Variants in SSBP2 observed in about 807,000 individuals in gnomAD.
SSBP2 encodes single stranded DNA binding protein 2.
Under a neutral mutation model 61.8 loss-of-function variants are expected in SSBP2, and 17 were observed. The ratio of observed to expected loss-of-function variants is 0.28; its 90% confidence interval spans 0.19 to 0.41. SSBP2 has a LOEUF of 0.41. SSBP2 is among the 10% of genes least tolerant of loss of function. SSBP2 has a pLI of 1.00. For synonymous variants in SSBP2, 139 were observed against 141.3 expected (o/e 0.98, Z 0.12); for missense variants, 310 against 458.7 (o/e 0.68, Z 2.96).
In SSBP2 at chr5:81,419,120, T is replaced by C. The variant is rs985476790; in HGVS notation, c.*1384A>G. 1 of 152,232 alleles carries C rather than the reference T, an allele frequency of 6.6e-6. No homozygotes were observed. Among genetic ancestry groups the C allele is most frequent in the Admixed American group, 6.5e-5 (1 of 15,282 alleles). 9.4% of individuals were successfully genotyped at this position (152,232 alleles called of 1,614,324 possible). On this transcript the variant is annotated 3_prime_UTR_variant, in exon 17 of 17. Transcript: ENST00000320672. ...ATCCCAAAAGATCTGGAAAGTGCCA[T>C]AGAGCAAGGTGCTTTCCATAAGGGA...
chr5:81,687,143 A>T (rs1175676895), intron 1 of SSBP2, among the ~76,000 whole-genome samples: 1 of 152,208 alleles, frequency 6.6e-6, no homozygotes, highest in Non-Finnish European at 1.5e-5. Flanking sequence ...ACCCTACCCG[A>T]TCACCCGGCA....
chr5:81,569,670 T>C (rs1481009207), intron 4 of SSBP2, among the ~76,000 whole-genome samples: 3 of 152,130 alleles, frequency 2.0e-5, no homozygotes, highest in African/African-American at 7.2e-5. Flanking sequence ...TAACTCAATC[T>C]TTACCTATAT....
chr5:81,665,117 G>C (rs982669473), intron 1 of SSBP2, among the ~76,000 whole-genome samples: 5 of 152,128 alleles, frequency 3.3e-5, no homozygotes, highest in Non-Finnish European at 7.4e-5. Context: ...GTAGTTTAAT[G>C]GGAAAAGCAT....
intron 3 of SSBP2, among the ~76,000 whole-genome samples, chr5:81,627,156 T>C (rs386874): frequency 0.73 from 110,294 of 152,114 alleles, 41,379 homozygotes; most frequent in East Asian, 0.93. Context: ...ATTTTTCTTT[T>C]GAGTCCTTTA....
At chr5:81,535,818 T>C (rs1435107534) in intron 4 of SSBP2, among the ~76,000 whole-genome samples, 1 of 151,526 alleles carries the variant, frequency 6.6e-6, no homozygotes, top group Non-Finnish European at 1.5e-5. Context: ...TTCTAGATAA[T>C]AACATATAAT....
chr5:81,583,344 T>C (rs1197776933), intron 4 of SSBP2, among the ~76,000 whole-genome samples: 1 of 151,796 alleles, frequency 6.6e-6, no homozygotes, highest in Non-Finnish European at 1.5e-5. Context: ...AGAGTAGCCA[T>C]TGAGGCTGGG....
At chr5:81,567,402 G>T (rs900046858) in intron 4 of SSBP2, among the ~76,000 whole-genome samples, 22 of 152,198 alleles carry the variant, frequency 1.4e-4, no homozygotes, top group African/African-American at 4.6e-4. Flanking sequence ...GAGCCTGCGG[G>T]TGCACAGAAG....
chr5:81,532,337 T>A (rs1179474485), intron 4 of SSBP2, among the ~76,000 whole-genome samples: 1 of 152,098 alleles, frequency 6.6e-6, no homozygotes, highest in Non-Finnish European at 1.5e-5. Flanking sequence ...AATCAATTTA[T>A]CTACACAGTC....
At chr5:81,431,790 T>C (rs886873353) in intron 15 of SSBP2, among the ~76,000 whole-genome samples, 2 of 152,140 alleles carry the variant, frequency 1.3e-5, no homozygotes, top group African/African-American at 4.8e-5. Flanking sequence ...CTCACTATGT[T>C]GCTCAGGCTG....
At chr5:81,678,792 G>C (rs995872627) in intron 1 of SSBP2, among the ~76,000 whole-genome samples, 1 of 151,916 alleles carries the variant, frequency 6.6e-6, no homozygotes, top group Non-Finnish European at 1.5e-5. Context: ...ATAAAAGAAC[G>C]CCAAACCTAG....
At chr5:81,716,811 T>A (rs181457527) in intron 1 of SSBP2, among the ~76,000 whole-genome samples, 11 of 152,326 alleles carry the variant, frequency 7.2e-5, no homozygotes, top group Admixed American at 7.2e-4. Context: ...TAGTATAAAG[T>A]AAACTTAAAA....
chr5:81,684,425 T>C (rs1011277427), intron 1 of SSBP2, among the ~76,000 whole-genome samples: 15 of 152,100 alleles, frequency 9.9e-5, no homozygotes, highest in African/African-American at 3.4e-4. Context: ...AGATCAGTGG[T>C]TGCCAGGGGT....
chr5:81,597,620 A>G (rs1424107887), intron 4 of SSBP2, among the ~76,000 whole-genome samples: 1 of 152,176 alleles, frequency 6.6e-6, no homozygotes, highest in Non-Finnish European at 1.5e-5. Flanking sequence ...AATGTCCAAC[A>G]ACGATGGACT....
At chr5:81,661,333 T>G (rs1750677871) in intron 1 of SSBP2, among the ~76,000 whole-genome samples, 1 of 152,206 alleles carries the variant, frequency 6.6e-6, no homozygotes, top group South Asian at 2.1e-4. Flanking sequence ...CAGATATCTC[T>G]CTGACATACT....
At chr5:81,562,236 G>A (rs1773104569) in intron 4 of SSBP2, among the ~76,000 whole-genome samples, 1 of 152,068 alleles carries the variant, frequency 6.6e-6, no homozygotes, top group African/African-American at 2.4e-5. Flanking sequence ...TAACAATAAT[G>A]ACTAAGCAGT....
intron 1 of SSBP2, among the ~76,000 whole-genome samples, chr5:81,659,426 A>AT (rs1750498713): frequency 6.6e-6 from 1 of 152,182 alleles, no homozygotes; most frequent in Admixed American, 6.6e-5. Flanking sequence ...ACTGCTACAA[A>AT]CAGAATAAAA....
chr5:81,634,475 C>T (rs1183025453), intron 3 of SSBP2, among the ~76,000 whole-genome samples: 1 of 152,184 alleles, frequency 6.6e-6, no homozygotes, highest in African/African-American at 2.4e-5. Flanking sequence ...AACATGTTCT[C>T]AGGACCTCCC....
rs1057195202 is a variant in SSBP2, at chr5:81,479,593, G to A, written c.433-5031C>T. Among the ~76,000 whole-genome samples, 14 of 96,572 alleles carry A rather than the reference G, an allele frequency of 1.4e-4. No individual in the cohort carries two copies. The South Asian group carries it at 3.2e-3, about 22-fold the overall frequency. 63.4% of individuals were successfully genotyped at this position (96,572 alleles called of 152,430 possible). A position where few individuals can be genotyped will look rare whatever the true frequency, so the allele number is the denominator to read the frequency against. The stretch of plus-strand genomic sequence containing the variant: ...TAGGTGTGAGCCACTGTGCCCGGCC[G>A]CTTTGTTTTACAAAAGATCTACACA... On this transcript the variant is annotated intron_variant, in intron 6 of 16. Coordinates refer to ENST00000320672, the MANE Select transcript of SSBP2 (RefSeq NM_012446.5).
intron 4 of SSBP2, among the ~76,000 whole-genome samples, chr5:81,588,541 C>CAT (rs1451514304): frequency 2.6e-5 from 4 of 151,332 alleles, no homozygotes; most frequent in East Asian, 1.9e-4. Context: ...TTCTATTTCC[C>CAT]ATATATATAT....
Sources: gnomAD v4.1 joint callset for allele counts (sites outside exome capture counted in the v4.1 genomes callset) on GRCh38, gnomAD v4.1.1 for gene constraint, MANE v1.5 for transcripts, NCBI Gene and HGNC (gene_info 2026-07-23, HGNC 2026-07-21) for gene names.